RASEF: variants seen among roughly 807,000 people sequenced by gnomAD.
The protein encoded by RASEF is ras and EF-hand domain-containing protein.
In RASEF, 68 loss-of-function variants were observed where a neutral mutation model predicts 90.1. The observed-to-expected ratio is 0.75, with a 90% confidence interval of 0.62 to 0.92. The LOEUF is 0.92. RASEF is among the 40% of genes least tolerant of loss of function. The probability of loss-of-function intolerance (pLI) is 0.00; values close to 1 mark genes in which losing one functional copy is unlikely to be tolerated. For missense variants in RASEF, 949 were observed against 937.2 expected, an observed-to-expected ratio of 1.01 and a Z score of -0.16; for synonymous variants, 331 against 345.2, an observed-to-expected ratio of 0.96 and a Z score of 0.46.
At chr9:83,046,508 C>T (rs1164240612) in intron 1 of RASEF, among the ~76,000 whole-genome samples, 1 of 152,154 alleles carries the variant, frequency 6.6e-6, no homozygotes, top group Non-Finnish European at 1.5e-5. Context: ...CAAACCATAT[C>T]TGCCAGTTTG....
At chr9:83,180,483 C>CTT in the RASEF span, among the ~76,000 whole-genome samples, 23 of 146,910 alleles carry the variant, frequency 1.6e-4, no homozygotes, top group Middle Eastern at 3.6e-3. Flanking sequence ...GTAAACATTA[C>CTT]TTTTTTTTTT....
rs944680304 is a variant in RASEF, at chr9:82,996,894, T to C, written c.1920+118A>G. 2.0e-5 allele frequency: 13 copies of C among 643,002 alleles called. No homozygotes were observed. The Admixed American group carries it at 2.6e-4, about 13-fold the overall frequency. The allele number at this position is 643,002 out of a possible 1,614,324, so 39.8% of individuals were successfully genotyped here. Reference sequence around the variant, plus strand: ...GCCTGTAGCATCCAATTCTTCCTGATGGCTTGGATCAATGGTTCCTAATCA... The same window carrying C: ...GCCTGTAGCATCCAATTCTTCCTGACGGCTTGGATCAATGGTTCCTAATCA... On this transcript the variant is annotated intron_variant, in intron 14 of 16. Transcript: ENST00000376447.
At position 82,996,860 on chromosome 9, in the gene RASEF, G is replaced by T. The variant is rs572551363; in HGVS notation, c.1920+152C>A. ...AAATCCTGAGGAAGAGATGAATGCTGCCAGTTCTGCCTGTAGCATCCAATT... is the reference window on the plus strand; with the variant it reads ...AAATCCTGAGGAAGAGATGAATGCTTCCAGTTCTGCCTGTAGCATCCAATT... On this transcript the variant is annotated intron_variant, in intron 14 of 16. Coordinates refer to ENST00000376447, the MANE Select transcript of RASEF (RefSeq NM_152573.4). The T allele has an allele frequency of 1.4e-4, 83 of 581,884 alleles. No homozygotes were observed. The East Asian group carries it at 1.5e-3, about 10-fold the overall frequency. The allele number at this position is 581,884 out of a possible 1,614,324, so 36.0% of individuals were successfully genotyped here.
the RASEF span, among the ~76,000 whole-genome samples, chr9:83,148,485 A>T: frequency 5.9e-5 from 9 of 152,026 alleles, no homozygotes; most frequent in African/African-American, 1.2e-4. Context: ...AGCCAAGAAA[A>T]GCCAGAGATT....
intron 1 of RASEF, among the ~76,000 whole-genome samples, chr9:83,059,814 G>A (rs1025630892): frequency 2.0e-5 from 3 of 151,900 alleles, no homozygotes; most frequent in Non-Finnish European, 2.9e-5. Context: ...CAGCTTACCC[G>A]GTCACACAAC....
At chr9:83,048,848 G>T in intron 1 of RASEF, 1 of 800,548 alleles carries the variant, frequency 1.2e-6, no homozygotes. Context: ...CTCCTGTGAG[G>T]CTGTGTGCAG....
the RASEF span, among the ~76,000 whole-genome samples, chr9:83,113,698 T>C: frequency 1.6e-4 from 24 of 152,176 alleles, no homozygotes; most frequent in Non-Finnish European, 2.9e-5. Flanking sequence ...CACCCTGGTC[T>C]CCTGCAGTAG....
intron 5 of RASEF, among the ~76,000 whole-genome samples, chr9:83,011,984 A>C (rs1829255214): frequency 6.6e-6 from 1 of 152,196 alleles, no homozygotes. Flanking sequence ...ATCTAAAACC[A>C]AACTAAATAA....
At chr9:83,100,427 G>C in the RASEF span, among the ~76,000 whole-genome samples, 36 of 152,194 alleles carry the variant, frequency 2.4e-4, 1 homozygote, top group Non-Finnish European at 4.7e-4. Flanking sequence ...CAACCAACCA[G>C]TATCACAAAG....
At chr9:83,097,927 C>T in the RASEF span, among the ~76,000 whole-genome samples, 3 of 152,066 alleles carry the variant, frequency 2.0e-5, no homozygotes. Context: ...TTTATAGGCA[C>T]TAGTTCTAGT....
chr9:83,214,120 C>A, the RASEF span, among the ~76,000 whole-genome samples: 18 of 152,288 alleles, frequency 1.2e-4, no homozygotes, highest in Admixed American at 2.6e-4. Context: ...TTAAGTCGGG[C>A]ACAGTGGCTC....
chr9:83,119,589 T>C, the RASEF span, among the ~76,000 whole-genome samples: 1 of 151,960 alleles, frequency 6.6e-6, no homozygotes, highest in Non-Finnish European at 1.5e-5. Flanking sequence ...CATGGAGGAG[T>C]TGGCAGCTGC....
At chr9:83,138,987 C>T in the RASEF span, among the ~76,000 whole-genome samples, 5 of 152,094 alleles carry the variant, frequency 3.3e-5, no homozygotes, top group Non-Finnish European at 5.9e-5. Context: ...ACAGTTTCTG[C>T]TTTGGGAGCA....
At chr9:83,091,970 A>ATGTTACAT in the RASEF span, among the ~76,000 whole-genome samples, 1 of 99,284 alleles carries the variant, frequency 1.0e-5, no homozygotes, top group Non-Finnish European at 2.1e-5. Flanking sequence ...AGATCCAGCT[A>ATGTTACAT]TGTTACATTT....
At chr9:83,011,973 A>T (rs1829254595) in intron 5 of RASEF, among the ~76,000 whole-genome samples, 1 of 152,206 alleles carries the variant, frequency 6.6e-6, no homozygotes, top group African/African-American at 2.4e-5. Flanking sequence ...TTTGAGAGTT[A>T]ATCTAAAACC....
chr9:83,032,188 T>C (rs1422973697), intron 1 of RASEF, among the ~76,000 whole-genome samples: 1 of 152,048 alleles, frequency 6.6e-6, no homozygotes, highest in Non-Finnish European at 1.5e-5. Flanking sequence ...CCTCTTCCCG[T>C]GTCCTACCTT....
At chr9:83,056,911 T>C (rs1378662659) in intron 1 of RASEF, among the ~76,000 whole-genome samples, 1 of 152,242 alleles carries the variant, frequency 6.6e-6, no homozygotes, top group East Asian at 1.9e-4. Flanking sequence ...ACTGCTCAGA[T>C]GGCTAACACT....
the RASEF span, among the ~76,000 whole-genome samples, chr9:83,121,947 G>T: frequency 6.6e-6 from 1 of 152,124 alleles, no homozygotes; most frequent in African/African-American, 2.4e-5. Flanking sequence ...TGTAAAATGA[G>T]GAAAATAATA....
the RASEF span, among the ~76,000 whole-genome samples, chr9:83,137,795 G>GAAA: frequency 3.8e-4 from 56 of 147,020 alleles, no homozygotes; most frequent in African/African-American, 5.3e-4. Context: ...TGAAGTGATT[G>GAAA]AAAAAAAAAA....
Sources: gnomAD v4.1 joint callset for allele counts (sites outside exome capture counted in the v4.1 genomes callset) on GRCh38, gnomAD v4.1.1 for gene constraint, MANE v1.5 for transcripts, NCBI Gene and HGNC (gene_info 2026-07-23, HGNC 2026-07-21) for gene names.